Variants in KDM4C observed in about 807,000 individuals in gnomAD.
The protein encoded by KDM4C is lysine demethylase 4C, also known as lysine-specific demethylase 4C.
KDM4C carries 81 observed loss-of-function variants against 129.3 expected under a neutral mutation model. That is an observed-to-expected ratio of 0.63 (90% CI 0.52 to 0.75). KDM4C has a LOEUF of 0.75. Among genes scored for constraint, KDM4C ranks in the 30% least tolerant of loss-of-function variants. The pLI, the probability that KDM4C is intolerant of heterozygous loss-of-function variation, is 0.00. For missense variants in KDM4C, 1,457 were observed against 1,304.0 expected (o/e 1.12, Z -1.81); for synonymous variants, 573 against 456.1 (o/e 1.26, Z -3.26).
At chr9:6,976,253 A>G (rs1016503849) in intron 8 of KDM4C, among the ~76,000 whole-genome samples, 2 of 152,188 alleles carry the variant, frequency 1.3e-5, no homozygotes, top group African/African-American at 4.8e-5. Flanking sequence ...CTTTGATGCT[A>G]ACACTTAGCA....
At chr9:6,824,149 G>C (rs1016559215) in intron 4 of KDM4C, among the ~76,000 whole-genome samples, 3 of 152,182 alleles carry the variant, frequency 2.0e-5, no homozygotes, top group African/African-American at 7.2e-5. Context: ...AATTATTGTA[G>C]CAAATAGTTG....
At position 6,950,671 on chromosome 9, in the gene KDM4C, T is replaced by A. The variant is rs1273671703; in HGVS notation, c.922-30254T>A. 2.6e-5 allele frequency among the ~76,000 whole-genome samples: 4 copies of A among 152,232 alleles called. No homozygotes were observed. The East Asian group carries it at 7.7e-4, about 29-fold the overall frequency. On this transcript the variant is annotated intron_variant, in intron 8 of 21. Coordinates refer to ENST00000381309, the MANE Select transcript of KDM4C (RefSeq NM_015061.6). ...ACTAGCTCTTCTAGCTAGCCAATGTTCCCTCCTGATAACGTTTATTGTAGC... is the reference window on the plus strand; with the variant it reads ...ACTAGCTCTTCTAGCTAGCCAATGTACCCTCCTGATAACGTTTATTGTAGC...
chr9:6,742,115 G>GGT (rs1817720321), intron 1 of KDM4C, among the ~76,000 whole-genome samples: 1 of 150,776 alleles, frequency 6.6e-6, no homozygotes, highest in Admixed American at 6.6e-5. Flanking sequence ...TGGGACTAGA[G>GGT]GTGTGTGCCA....
At chr9:6,993,891 A>T (rs1464475944) in intron 12 of KDM4C, among the ~76,000 whole-genome samples, 1 of 152,186 alleles carries the variant, frequency 6.6e-6, no homozygotes, top group East Asian at 1.9e-4. Flanking sequence ...GTTGTCATTC[A>T]ATGCTGCCTG....
intron 19 of KDM4C, among the ~76,000 whole-genome samples, chr9:7,148,831 G>A (rs1842460339): frequency 6.6e-6 from 1 of 152,174 alleles, no homozygotes. Context: ...TTTTTATGGG[G>A]TCAGAATGGA....
At chr9:6,840,522 G>T (rs906695966) in intron 4 of KDM4C, among the ~76,000 whole-genome samples, 3 of 151,858 alleles carry the variant, frequency 2.0e-5, no homozygotes, top group Non-Finnish European at 4.4e-5. Context: ...TCAGCCTCCC[G>T]AGTAGCTGGG....
intron 3 of KDM4C, among the ~76,000 whole-genome samples, chr9:6,813,443 A>G (rs926571353): frequency 6.6e-6 from 1 of 152,234 alleles, no homozygotes; most frequent in South Asian, 2.1e-4. Flanking sequence ...TATTTTGAAT[A>G]CAGTTGTTCC....
At chr9:7,054,890 T>C (rs1830662749) in intron 17 of KDM4C, among the ~76,000 whole-genome samples, 1 of 152,228 alleles carries the variant, frequency 6.6e-6, no homozygotes, top group Non-Finnish European at 1.5e-5. Context: ...AGGACTGTTG[T>C]ATGAATATTT....
chr9:6,950,928 A>G (rs1390205658), intron 8 of KDM4C, among the ~76,000 whole-genome samples: 1 of 152,204 alleles, frequency 6.6e-6, no homozygotes, highest in Non-Finnish European at 1.5e-5. Flanking sequence ...ATAACAGAAA[A>G]TACTTGAATT....
intron 12 of KDM4C, among the ~76,000 whole-genome samples, chr9:7,010,125 T>C (rs78807169): frequency 0.037 from 5,708 of 152,262 alleles, 173 homozygotes; most frequent in South Asian, 0.099. Context: ...CTGTAGTATA[T>C]CCTATGCTAT....
Position 6,958,866 on chromosome 9 carries a change from TC to T in KDM4C, c.922-22058del, listed in dbSNP as rs1293941139. ...TGTTTTTCATAGATGCAAGCTGGTC[TC>T]GAACTCCTGGGCTCAAGCGATCCAC... On this transcript the variant is annotated intron_variant, in intron 8 of 21. Transcript: ENST00000381309. Among the ~76,000 whole-genome samples, 4 of 152,032 alleles carry T rather than the reference TC, an allele frequency of 2.6e-5. No homozygotes were observed. In the East Asian group the frequency reaches 7.7e-4, roughly 29 times the overall value.
At chr9:6,856,541 T>TGTGC (rs1554721069) in intron 5 of KDM4C, among the ~76,000 whole-genome samples, 1 of 97,342 alleles carries the variant, frequency 1.0e-5, no homozygotes, top group East Asian at 2.7e-4. Context: ...TCTGTGTGCG[T>TGTGC]GTGTGTGTGT....
intron 8 of KDM4C, among the ~76,000 whole-genome samples, chr9:6,969,786 A>G (rs1043714180): frequency 6.6e-6 from 1 of 152,080 alleles, no homozygotes; most frequent in African/African-American, 2.4e-5. Context: ...ATACTTAGAG[A>G]TTAATATTAA....
intron 15 of KDM4C, among the ~76,000 whole-genome samples, chr9:7,028,705 A>G (rs1445355944): frequency 3.3e-5 from 5 of 151,930 alleles, no homozygotes; most frequent in Non-Finnish European, 7.4e-5. Context: ...TTCGCACCCC[A>G]GAGTACTCTA....
At chr9:7,123,966 C>A (rs1475605228) in intron 18 of KDM4C, among the ~76,000 whole-genome samples, 1 of 152,186 alleles carries the variant, frequency 6.6e-6, no homozygotes, top group African/African-American at 2.4e-5. Context: ...GTTGACTCAC[C>A]TGAGCTGAAG....
chr9:6,806,616 C>T (rs972264502), intron 3 of KDM4C, among the ~76,000 whole-genome samples: 2 of 152,010 alleles, frequency 1.3e-5, no homozygotes, highest in African/African-American at 2.4e-5. Context: ...CTCAGGGTCT[C>T]ATGAGGTTGC....
intron 4 of KDM4C, among the ~76,000 whole-genome samples, chr9:6,815,824 A>G (rs1013259946): frequency 9.2e-5 from 14 of 152,196 alleles, no homozygotes; most frequent in African/African-American, 2.7e-4. Context: ...TGGGTAAGGG[A>G]TACTTGATCT....
chr9:6,800,272 C>A (rs1828682157), intron 2 of KDM4C, among the ~76,000 whole-genome samples: 1 of 152,084 alleles, frequency 6.6e-6, no homozygotes, highest in South Asian at 2.1e-4. Flanking sequence ...GAGGCTGGGA[C>A]ACGAGAATCA....
chr9:7,003,755 A>G (rs983729431), intron 12 of KDM4C, among the ~76,000 whole-genome samples: 1 of 152,080 alleles, frequency 6.6e-6, no homozygotes, highest in Non-Finnish European at 1.5e-5. Context: ...TCTCTTTTGT[A>G]CTTTTGAACA....
Sources: gnomAD v4.1 joint callset for allele counts (sites outside exome capture counted in the v4.1 genomes callset) on GRCh38, gnomAD v4.1.1 for gene constraint, MANE v1.5 for transcripts, NCBI Gene and HGNC (gene_info 2026-07-23, HGNC 2026-07-21) for gene names.